The following SH3GL2 variants were observed in gnomAD, a reference collection of about 807,000 sequenced individuals.
SH3GL2 encodes the protein SH3 domain containing GRB2 like 2, endophilin A1.
SH3GL2 carries 24 observed loss-of-function variants against 46.0 expected under a neutral mutation model. The observed-to-expected ratio is 0.52, with a 90% CI of 0.38 to 0.73. The LOEUF (loss-of-function observed/expected upper bound fraction) is 0.73, where lower values mean the gene tolerates loss of function less well. Ranked by LOEUF, SH3GL2 falls within the 30% of genes least tolerant of loss-of-function variation. SH3GL2 has a pLI of 0.00. For synonymous variants in SH3GL2, 196 were observed against 147.1 expected (o/e 1.33, Z -2.40); for missense variants, 413 against 424.2 (o/e 0.97, Z 0.23).
rs116898907 is a variant in SH3GL2 at position 17,605,160 on chromosome 9, G to A, written c.45+25873G>A. 2.4e-3 allele frequency among the ~76,000 whole-genome samples: 370 copies of A among 151,972 alleles called. 7 individuals carry two copies. The East Asian group carries it at 0.062, about 26-fold the overall frequency. The stretch of plus-strand genomic sequence containing the variant: ...GCTAACTTTTTTAGAAAAATTTTTT[G>A]TAGAGATGGGGTCTTTCTGTGTTGC... On this transcript the variant is annotated intron_variant, in intron 1 of 8. Transcript: ENST00000380607.
At chr9:17,719,039 T>C (rs561932796) in intron 1 of SH3GL2, among the ~76,000 whole-genome samples, 2 of 152,276 alleles carry the variant, frequency 1.3e-5, no homozygotes, top group African/African-American at 4.8e-5. Flanking sequence ...TTGAAGTATC[T>C]TCAGTGTGAC....
At chr9:17,669,042 C>CT (rs535482322) in intron 1 of SH3GL2, among the ~76,000 whole-genome samples, 76 of 152,274 alleles carry the variant, frequency 5.0e-4, no homozygotes, top group Admixed American at 9.2e-4. Context: ...GTATATGAGT[C>CT]TATTTTTGGA....
chr9:17,653,956 T>A, intron 1 of SH3GL2: 1 of 521,508 alleles, frequency 1.9e-6, no homozygotes, highest in Non-Finnish European at 2.5e-6. Context: ...GCAGATCTTC[T>A]TTTAAACTCT....
At chr9:17,655,937 T>G (rs548378058) in intron 1 of SH3GL2, among the ~76,000 whole-genome samples, 1 of 152,322 alleles carries the variant, frequency 6.6e-6, no homozygotes, top group Non-Finnish European at 1.5e-5. Flanking sequence ...AAAAGTGCTT[T>G]TAAAGCCCAA....
intron 1 of SH3GL2, among the ~76,000 whole-genome samples, chr9:17,713,357 G>A (rs532093226): frequency 6.6e-6 from 1 of 151,198 alleles, no homozygotes; most frequent in Non-Finnish European, 1.5e-5. Context: ...CATGCTTTTG[G>A]CATCATTGAC....
chr9:17,668,227 T>G (rs186593403), intron 1 of SH3GL2, among the ~76,000 whole-genome samples: 1 of 152,240 alleles, frequency 6.6e-6, no homozygotes, highest in Non-Finnish European at 1.5e-5. Context: ...GACGATGTTT[T>G]CTTTTAAGAG....
intron 3 of SH3GL2, among the ~76,000 whole-genome samples, chr9:17,768,160 A>G (rs1229805611): frequency 6.6e-6 from 1 of 152,086 alleles, no homozygotes; most frequent in Non-Finnish European, 1.5e-5. Flanking sequence ...TCACGAGATC[A>G]GGGGATAGAG....
intron 1 of SH3GL2, among the ~76,000 whole-genome samples, chr9:17,711,136 G>A (rs117963599): frequency 0.011 from 1,603 of 151,916 alleles, 16 homozygotes; most frequent in Middle Eastern, 0.024. Context: ...CTCATGTAAG[G>A]TGCTTCAAAG....
chr9:17,668,775 G>A (rs1202714146), intron 1 of SH3GL2, among the ~76,000 whole-genome samples: 2 of 152,122 alleles, frequency 1.3e-5, no homozygotes, highest in African/African-American at 4.8e-5. Context: ...TCCTACCTCA[G>A]CCTCCTGAGT....
chr9:17,647,316 C>T (rs1172244065), intron 1 of SH3GL2, among the ~76,000 whole-genome samples: 2 of 152,130 alleles, frequency 1.3e-5, no homozygotes, highest in East Asian at 3.8e-4. Context: ...TAACACTAGG[C>T]AAGGTCACAT....
chr9:17,795,792 T>A lies in SH3GL2; in HGVS notation c.*49T>A. 6.8e-7 allele frequency: 1 copy of A among 1,462,454 alleles called. No individual in the cohort carries two copies. The highest frequency in any genetic ancestry group is 9.5e-7 in the Non-Finnish European group (1 of 1,052,018). 90.6% of individuals were successfully genotyped at this position (1,462,454 alleles called of 1,614,324 possible). ...TCCTCTTGACCCAGATAGTTACGGT[T>A]AACCACTGCTTTGGCAATGCTGCTT... On this transcript the variant is annotated 3_prime_UTR_variant, in exon 9 of 9. Transcript: ENST00000380607.
intron 1 of SH3GL2, among the ~76,000 whole-genome samples, chr9:17,710,500 A>C (rs1821591089): frequency 6.6e-6 from 1 of 151,936 alleles, no homozygotes; most frequent in African/African-American, 2.4e-5. Context: ...GGAATTTTTC[A>C]ACAAATTAAA....
intron 1 of SH3GL2, among the ~76,000 whole-genome samples, chr9:17,598,181 C>T (rs1818608577): frequency 6.6e-6 from 1 of 152,162 alleles, no homozygotes; most frequent in African/African-American, 2.4e-5. Context: ...GGGAAGCTCT[C>T]ACCAGCTGAC....
intron 1 of SH3GL2, among the ~76,000 whole-genome samples, chr9:17,595,037 G>T (rs1465937812): frequency 1.3e-5 from 2 of 152,084 alleles, no homozygotes; most frequent in Non-Finnish European, 2.9e-5. Flanking sequence ...GCTAGCCTAG[G>T]TACTATTTTA....
chr9:17,701,782 T>C, intron 1 of SH3GL2, among the ~76,000 whole-genome samples: 1 of 152,042 alleles, frequency 6.6e-6, no homozygotes, highest in Non-Finnish European at 1.5e-5. Context: ...ATATAACACA[T>C]GTATGATTTT....
At position 17,609,907 on chromosome 9, in the gene SH3GL2, A is replaced by C. The variant is rs1044505087; in HGVS notation, c.45+30620A>C. 5.3e-5 allele frequency among the ~76,000 whole-genome samples: 8 copies of C among 152,302 alleles called. No individual in the cohort carries two copies. The East Asian group carries it at 9.7e-4, about 18-fold the overall frequency. The stretch of plus-strand genomic sequence containing the variant: ...CCTGGGCTCTCATAATCATTTTGCC[A>C]CCCTAGAGAGCTCCAGACACACGAT... On this transcript the variant is annotated intron_variant, in intron 1 of 8. Coordinates refer to ENST00000380607, the MANE Select transcript of SH3GL2 (RefSeq NM_003026.5).
At chr9:17,629,029 G>C (rs1819359519) in intron 1 of SH3GL2, among the ~76,000 whole-genome samples, 1 of 150,476 alleles carries the variant, frequency 6.6e-6, no homozygotes, top group East Asian at 2.0e-4. Context: ...GAAGGAAATT[G>C]CATTAGAGTT....
intron 1 of SH3GL2, among the ~76,000 whole-genome samples, chr9:17,741,630 C>A (rs1822530827): frequency 6.6e-6 from 1 of 152,178 alleles, no homozygotes; most frequent in Admixed American, 6.5e-5. Flanking sequence ...ATTTAACTTA[C>A]ATGCAATTTT....
intron 2 of SH3GL2, among the ~76,000 whole-genome samples, chr9:17,756,222 A>T (rs954690088): frequency 1.3e-5 from 2 of 152,052 alleles, no homozygotes; most frequent in Admixed American, 6.6e-5. Context: ...CTCATTTCAA[A>T]TTTTTTCAAC....
Sources: gnomAD v4.1 joint callset for allele counts (sites outside exome capture counted in the v4.1 genomes callset) on GRCh38, gnomAD v4.1.1 for gene constraint, MANE v1.5 for transcripts, NCBI Gene and HGNC (gene_info 2026-07-23, HGNC 2026-07-21) for gene names.